The following GALNT7 variants were observed in gnomAD, a reference collection of about 807,000 sequenced individuals.
GALNT7 encodes the protein polypeptide N-acetylgalactosaminyltransferase 7, also known as N-acetylgalactosaminyltransferase 7.
In GALNT7, 60 loss-of-function variants were observed where a neutral mutation model predicts 82.1. The ratio of observed to expected loss-of-function variants is 0.73; its 90% CI spans 0.59 to 0.91. The LOEUF (loss-of-function observed/expected upper bound fraction) is 0.91, where lower values mean the gene tolerates loss of function less well. Among genes scored for constraint, GALNT7 ranks in the 40% least tolerant of loss-of-function variants. The probability of loss-of-function intolerance (pLI) is 0.00; values close to 1 mark genes in which losing one functional copy is unlikely to be tolerated. For missense variants in GALNT7, 660 were observed against 804.2 expected (o/e 0.82, Z 2.17); for synonymous variants, 243 against 275.1 (o/e 0.88, Z 1.15).
chr4:173,212,862 C>CA (rs1733326739), intron 1 of GALNT7, among the ~76,000 whole-genome samples: 1 of 151,946 alleles, frequency 6.6e-6, no homozygotes, highest in African/African-American at 2.4e-5. Context: ...ATCATTTCTT[C>CA]AAAAATAGGT....
At chr4:173,254,295 A>C (rs1397257172) in intron 2 of GALNT7, among the ~76,000 whole-genome samples, 1 of 152,172 alleles carries the variant, frequency 6.6e-6, no homozygotes, top group Non-Finnish European at 1.5e-5. Context: ...TCCAAAATAA[A>C]TATTAATTCT....
Position 173,178,829 on chromosome 4 carries a change from G to C in GALNT7, c.126+9868G>C, listed in dbSNP as rs548923316. Among the ~76,000 whole-genome samples, 149 of 152,316 alleles carry C rather than the reference G, an allele frequency of 9.8e-4. 2 individuals carry two copies. In the South Asian group the frequency reaches 0.03, roughly 31 times the overall value. The stretch of plus-strand genomic sequence containing the variant: ...CTGCGAATAGGCTTCTAAGCAATAG[G>C]AATCTGTTATTACAAAGAATATTTT... On this transcript the variant is annotated intron_variant, in intron 1 of 11. Transcript: ENST00000265000.
Position 173,302,153 on chromosome 4 carries a change from A to G in GALNT7, c.1255A>G (p.Ile419Val). Residue 419 changes from isoleucine (I) to valine (V), a missense_variant, in exon 7 of 12, where the codon ATC (isoleucine) becomes GTC (valine). Around this residue, in one of 2 missense-constraint regions of GALNT7, gnomAD observed 527 missense variants for 683.5 expected, o/e 0.77. Coordinates refer to ENST00000265000, the MANE Select transcript of GALNT7 (RefSeq NM_017423.3). The surrounding 1 kb of genome is among the most constrained non-coding windows in gnomAD (Gnocchi z 4.2). ...LQIWGGENFE[I>V]SYKIWQCGGK... is the part of the protein sequence containing the mutation. ...GATTTGGGGTGGTGAAAACTTTGAGATCTCATACAAGGTAACATTTTATTT... is the reference window on the plus strand; with the variant it reads ...GATTTGGGGTGGTGAAAACTTTGAGGTCTCATACAAGGTAACATTTTATTT... The G allele has an allele frequency of 2.2e-6, 3 of 1,357,790 alleles. No homozygotes were observed. Among genetic ancestry groups the G allele is most frequent in the Non-Finnish European group, 3.2e-6 (3 of 946,058 alleles). 84.1% of individuals were successfully genotyped at this position (1,357,790 alleles called of 1,614,324 possible). A position where few individuals can be genotyped will look rare whatever the true frequency, so the allele number is the denominator to read the frequency against.
chr4:173,224,907 C>G (rs952970138), intron 1 of GALNT7, among the ~76,000 whole-genome samples: 1 of 151,410 alleles, frequency 6.6e-6, no homozygotes, highest in Non-Finnish European at 1.5e-5. Flanking sequence ...CCCAGCTACT[C>G]GGGAGGCTGA....
intron 2 of GALNT7, among the ~76,000 whole-genome samples, chr4:173,283,524 C>T (rs113556044): frequency 0.087 from 13,209 of 151,640 alleles, 1,312 homozygotes; most frequent in African/African-American, 0.25. Context: ...CCCATAATCC[C>T]GGCTACTTGG....
At chr4:173,229,958 A>T (rs931237117) in intron 1 of GALNT7, among the ~76,000 whole-genome samples, 1 of 152,054 alleles carries the variant, frequency 6.6e-6, no homozygotes, top group Non-Finnish European at 1.5e-5. Context: ...AGTGTGTGCT[A>T]TAGTAACAAC....
intron 2 of GALNT7, among the ~76,000 whole-genome samples, chr4:173,284,512 A>G (rs974992957): frequency 3.3e-5 from 5 of 152,204 alleles, no homozygotes; most frequent in African/African-American, 1.2e-4. Flanking sequence ...GTACCTAAAC[A>G]TGTTAAATAA....
At chr4:173,206,415 T>G (rs1296640525) in intron 1 of GALNT7, among the ~76,000 whole-genome samples, 1 of 152,160 alleles carries the variant, frequency 6.6e-6, no homozygotes, top group Non-Finnish European at 1.5e-5. Context: ...ATATTTCTCT[T>G]GGGTGGGGGT....
At chr4:173,242,415 A>G (rs1734468312) in intron 1 of GALNT7, among the ~76,000 whole-genome samples, 1 of 152,148 alleles carries the variant, frequency 6.6e-6, no homozygotes, top group South Asian at 2.1e-4. Context: ...AGTGGCCTTC[A>G]ATCTCTTTCT....
intron 1 of GALNT7, among the ~76,000 whole-genome samples, chr4:173,179,865 G>C (rs1364482356): frequency 6.6e-6 from 1 of 152,218 alleles, no homozygotes; most frequent in Non-Finnish European, 1.5e-5. Flanking sequence ...CATGATGCGT[G>C]AAGTTCTCTA....
In GALNT7 at chr4:173,306,599, A is replaced by G. The variant is rs574689119; in HGVS notation, c.1389+2481A>G. Among the ~76,000 whole-genome samples the G allele has an allele frequency of 2.0e-5, 3 of 152,262 alleles. No individual in the cohort carries two copies. The South Asian group carries it at 6.2e-4, about 32-fold the overall frequency. ...TTTGTCAAATGCCTTTTTCACATCT[A>G]TTGAGATGATTATATGGTTTTTGTC... On this transcript the variant is annotated intron_variant, in intron 8 of 11. Coordinates refer to ENST00000265000, the MANE Select transcript of GALNT7 (RefSeq NM_017423.3).
intron 9 of GALNT7, chr4:173,316,116 C>CA (rs1295266570): frequency 6.6e-6 from 1 of 152,308 alleles, no homozygotes; most frequent in Non-Finnish European, 1.5e-5. Flanking sequence ...TGAGTGAAGA[C>CA]AAAGTCCTTT....
At chr4:173,305,271 A>T (rs1011765826) in intron 8 of GALNT7, among the ~76,000 whole-genome samples, 1 of 152,142 alleles carries the variant, frequency 6.6e-6, no homozygotes, top group Non-Finnish European at 1.5e-5. Context: ...CCTTTGCCCA[A>T]TTTAATCAGG....
chr4:173,293,382 A>G (rs1196283240), intron 3 of GALNT7, among the ~76,000 whole-genome samples: 1 of 152,150 alleles, frequency 6.6e-6, no homozygotes, highest in East Asian at 1.9e-4. Flanking sequence ...CTACCCTTGA[A>G]TGAAAGTACA....
intron 2 of GALNT7, among the ~76,000 whole-genome samples, chr4:173,253,334 T>C (rs1734913045): frequency 6.6e-6 from 1 of 152,180 alleles, no homozygotes; most frequent in Non-Finnish European, 1.5e-5. Flanking sequence ...GCGGTTTACT[T>C]GGATCTGGAG....
chr4:173,201,663 A>G (rs900036220), intron 1 of GALNT7, among the ~76,000 whole-genome samples: 2 of 152,230 alleles, frequency 1.3e-5, no homozygotes, highest in Non-Finnish European at 2.9e-5. Context: ...CAGATGAGCA[A>G]CAGGTGATAT....
At chr4:173,239,046 A>C (rs1045597570) in intron 1 of GALNT7, among the ~76,000 whole-genome samples, 2 of 152,178 alleles carry the variant, frequency 1.3e-5, no homozygotes, top group African/African-American at 2.4e-5. Flanking sequence ...TTTAGCAGGG[A>C]ACTGTTTGCA....
intron 2 of GALNT7, among the ~76,000 whole-genome samples, chr4:173,285,443 A>G (rs532187568): frequency 2.1e-4 from 32 of 152,368 alleles, no homozygotes; most frequent in African/African-American, 7.5e-4. Flanking sequence ...TAAAAGGCCA[A>G]AGAAGCAGTT....
chr4:173,258,510 C>T (rs1352514412), intron 2 of GALNT7, among the ~76,000 whole-genome samples: 1 of 152,212 alleles, frequency 6.6e-6, no homozygotes. Context: ...TCTGTTGCAG[C>T]AGCTGATGGA....
Sources: allele counts gnomAD v4.1 joint callset (sites outside exome capture counted in the v4.1 genomes callset), GRCh38; gene constraint gnomAD v4.1.1; regional missense constraint gnomAD v4.1.1; non-coding constraint Gnocchi (gnomAD v3.1); transcripts MANE v1.5; gene names NCBI Gene and HGNC (gene_info 2026-07-23, HGNC 2026-07-21).